Variants in NFIB observed in about 807,000 individuals in gnomAD.
NFIB encodes nuclear factor I B, also known as nuclear factor 1 B-type.
In NFIB, 11 loss-of-function variants were observed where a neutral mutation model predicts 61.5. The observed-to-expected ratio is 0.18, with a 90% CI of 0.11 to 0.30. The LOEUF is 0.30. Ranked by LOEUF, NFIB falls within the 10% of genes least tolerant of loss-of-function variation. NFIB has a pLI of 1.00. For missense variants in NFIB, 471 were observed against 608.9 expected (o/e 0.77, Z 2.38); for synonymous variants, 260 against 216.5 (o/e 1.20, Z -1.76).
chr9:14,281,076 TTG>T (rs1414151005), intron 2 of NFIB, among the ~76,000 whole-genome samples: 2 of 152,112 alleles, frequency 1.3e-5, no homozygotes, highest in Non-Finnish European at 2.9e-5. Flanking sequence ...TCTCAAATGG[TTG>T]TGAGAGCAGC....
Position 14,085,439 on chromosome 9 carries a change from G to T in NFIB, c.*2870C>A, listed in dbSNP as rs190562522. 3.3e-4 allele frequency: 74 copies of T among 221,578 alleles called. No homozygotes were observed. Among genetic ancestry groups the T allele is most frequent in the African/African-American group, 1.6e-3 (71 of 44,658 alleles). 13.7% of individuals were successfully genotyped at this position (221,578 alleles called of 1,614,324 possible). A position where few individuals can be genotyped will look rare whatever the true frequency, so the allele number is the denominator to read the frequency against. Reference sequence around the variant, plus strand: ...TCCATTCAGCCTCTAGCCCTCAGGGGAAACGAAATCAAATATATAGTTAAG... The same window carrying T: ...TCCATTCAGCCTCTAGCCCTCAGGGTAAACGAAATCAAATATATAGTTAAG... On this transcript the variant is annotated 3_prime_UTR_variant, in exon 11 of 11. Coordinates refer to ENST00000380953, the MANE Select transcript of NFIB (RefSeq NM_001190737.2).
chr9:14,204,543 C>A, intron 2 of NFIB: 2 of 1,359,228 alleles, frequency 1.5e-6, no homozygotes, highest in South Asian at 1.2e-5. Context: ...CTTAAGCTGC[C>A]CCACAAGTAC....
At chr9:14,172,753 G>C (rs1378099482) in intron 3 of NFIB, among the ~76,000 whole-genome samples, 1 of 151,924 alleles carries the variant, frequency 6.6e-6, no homozygotes, top group Admixed American at 6.6e-5. Flanking sequence ...CTTTAGAGAA[G>C]AGCAGTATAA....
chr9:14,387,689 G>T (rs1564051151), intron 1 of NFIB, among the ~76,000 whole-genome samples: 1 of 152,192 alleles, frequency 6.6e-6, no homozygotes, highest in Non-Finnish European at 1.5e-5. Flanking sequence ...AAATTTTCCA[G>T]TCTGACAAGG....
chr9:14,309,889 G>A (rs781555304), intron 1 of NFIB, among the ~76,000 whole-genome samples: 11 of 152,168 alleles, frequency 7.2e-5, no homozygotes, highest in Admixed American at 1.3e-4. Flanking sequence ...AAGAGCACAT[G>A]AGGTGGAGTG....
At chr9:14,404,562 T>C in the NFIB span, among the ~76,000 whole-genome samples, 30 of 152,334 alleles carry the variant, frequency 2.0e-4, no homozygotes, top group African/African-American at 7.0e-4. Flanking sequence ...CCATGTTTAT[T>C]TGGAGACTCT....
the NFIB span, among the ~76,000 whole-genome samples, chr9:14,469,477 A>C: frequency 2.6e-5 from 4 of 152,154 alleles, no homozygotes; most frequent in Non-Finnish European, 5.9e-5. Context: ...GCCTTTGCCC[A>C]TCCTCTGGTT....
Position 14,313,729 on chromosome 9 carries a change from C to A in NFIB, c.-218G>T. The A allele has an allele frequency of 7.1e-7, 1 of 1,408,630 alleles. No individual in the cohort carries two copies. The highest frequency in any genetic ancestry group is 1.5e-5 in the South Asian group (1 of 64,952). The allele number at this position is 1,408,630 out of a possible 1,614,324, so 87.3% of individuals were successfully genotyped here. The stretch of plus-strand genomic sequence containing the variant: ...CGTGCTAGATTTCCAGGGGTGAAAT[C>A]CAATCTACACTTTTAACCCTCTTGC... On this transcript the variant is annotated 5_prime_UTR_variant, in exon 1 of 11. Transcript: ENST00000380953. This position sits in a 1 kb window ranked among gnomAD's most constrained non-coding sequence, Gnocchi z 4.5.
the NFIB span, among the ~76,000 whole-genome samples, chr9:14,427,956 T>TTTTTTTG: frequency 8.0e-4 from 93 of 115,876 alleles, no homozygotes; most frequent in African/African-American, 2.9e-3. Context: ...TTTTTTTTTT[T>TTTTTTTG]TTTTTTTTGG....
intron 1 of NFIB, among the ~76,000 whole-genome samples, chr9:14,320,055 TAC>T (rs2060627683): frequency 6.6e-6 from 1 of 152,196 alleles, no homozygotes; most frequent in Non-Finnish European, 1.5e-5. Context: ...AAAACAAAGT[TAC>T]AGATGTTCAT....
intron 2 of NFIB, among the ~76,000 whole-genome samples, chr9:14,268,771 C>G (rs1391761392): frequency 6.6e-6 from 1 of 152,198 alleles, no homozygotes; most frequent in Admixed American, 6.5e-5. Context: ...ACAGGGATTA[C>G]TTCATTGGTC....
At chr9:14,343,082 C>T (rs956019518) in intron 1 of NFIB, among the ~76,000 whole-genome samples, 2 of 152,048 alleles carry the variant, frequency 1.3e-5, no homozygotes, top group Non-Finnish European at 2.9e-5. Context: ...CGAGGGGATG[C>T]CACCATTTTG....
At chr9:14,229,751 T>C (rs891182540) in intron 2 of NFIB, among the ~76,000 whole-genome samples, 2 of 152,164 alleles carry the variant, frequency 1.3e-5, no homozygotes, top group Non-Finnish European at 2.9e-5. Context: ...CCAACCATCT[T>C]AGACCTCTCT....
chr9:14,184,897 C>T (rs1287364855), intron 2 of NFIB, among the ~76,000 whole-genome samples: 1 of 152,086 alleles, frequency 6.6e-6, no homozygotes, highest in African/African-American at 2.4e-5. Context: ...GTGGCACACA[C>T]CTGTAATCCC....
intron 1 of NFIB, among the ~76,000 whole-genome samples, chr9:14,398,070 G>C (rs1237368454): frequency 2.6e-5 from 4 of 152,134 alleles, no homozygotes; most frequent in African/African-American, 7.2e-5. Context: ...TACTGGAAAT[G>C]TCAAGACCAA....
the NFIB span, among the ~76,000 whole-genome samples, chr9:14,494,479 G>A: frequency 6.6e-6 from 1 of 152,156 alleles, no homozygotes; most frequent in Non-Finnish European, 1.5e-5. Flanking sequence ...TGTATTGGGA[G>A]GTCCTTCTTA....
chr9:14,460,856 T>C, the NFIB span, among the ~76,000 whole-genome samples: 1 of 151,998 alleles, frequency 6.6e-6, no homozygotes, highest in African/African-American at 2.4e-5. Flanking sequence ...TGCCCAGGTC[T>C]CTGCTTGTTA....
At chr9:14,263,458 C>T (rs972356381) in intron 2 of NFIB, among the ~76,000 whole-genome samples, 3 of 152,022 alleles carry the variant, frequency 2.0e-5, no homozygotes, top group African/African-American at 7.3e-5. Context: ...CCGTATTTAC[C>T]TGTGGAAAAA....
At chr9:14,266,359 G>A (rs557799987) in intron 2 of NFIB, among the ~76,000 whole-genome samples, 39 of 152,252 alleles carry the variant, frequency 2.6e-4, no homozygotes, top group African/African-American at 8.9e-4. Flanking sequence ...CAGAGGCTAA[G>A]GCAAGAGGGT....
Sources: allele counts gnomAD v4.1 joint callset (sites outside exome capture counted in the v4.1 genomes callset), GRCh38; gene constraint gnomAD v4.1.1; non-coding constraint Gnocchi (gnomAD v3.1); transcripts MANE v1.5; gene names NCBI Gene and HGNC (gene_info 2026-07-23, HGNC 2026-07-21).